Variants in DENND10 observed in about 807,000 individuals in gnomAD.
DENND10 encodes the protein DENN domain containing 10.
DENND10 carries 24 observed loss-of-function variants against 43.6 expected under a neutral mutation model. The ratio of observed to expected loss-of-function variants is 0.55; its 90% confidence interval spans 0.40 to 0.77. The LOEUF is 0.77. Ranked by LOEUF, DENND10 falls within the 30% of genes least tolerant of loss-of-function variation. DENND10 has a pLI of 0.00. For synonymous variants in DENND10, 125 were observed against 157.6 expected, an observed-to-expected ratio of 0.79 and a Z score of 1.55; for missense variants, 303 against 429.9, an observed-to-expected ratio of 0.70 and a Z score of 2.61.
At chr10:119,131,574 T>C (rs964192273) in intron 7 of DENND10, among the ~76,000 whole-genome samples, 1 of 152,246 alleles carries the variant, frequency 6.6e-6, no homozygotes, top group African/African-American at 2.4e-5. Flanking sequence ...GATTACTGAT[T>C]AACAGCTTTG....
chr10:119,123,605 CTTTTTTT>C (rs372448900), intron 6 of DENND10, 36 bp downstream of exon 6: 6 of 1,033,864 alleles, frequency 5.8e-6, no homozygotes, highest in Admixed American at 2.6e-5. Context: ...AACTGTTTCA[CTTTTTTT>C]TTTTTTTTTT....
At chr10:119,115,763 T>A (rs925166070) in intron 3 of DENND10, among the ~76,000 whole-genome samples, 1 of 148,542 alleles carries the variant, frequency 6.7e-6, no homozygotes, top group Non-Finnish European at 1.5e-5. Flanking sequence ...TTTCAAGTGA[T>A]CTTTTTTTTT....
At chr10:119,115,845 C>A (rs1259849965) in intron 3 of DENND10, among the ~76,000 whole-genome samples, 1 of 149,562 alleles carries the variant, frequency 6.7e-6, no homozygotes, top group African/African-American at 2.5e-5. Context: ...CTCACTGCAA[C>A]CTCCTCTTCC....
At chr10:119,109,056 A>G (rs949213875) in intron 2 of DENND10, among the ~76,000 whole-genome samples, 2 of 151,726 alleles carry the variant, frequency 1.3e-5, no homozygotes, top group East Asian at 3.9e-4. Flanking sequence ...CTCTACTAAA[A>G]ATACAAAAAA....
chr10:119,106,185 C>G (rs537284084), intron 1 of DENND10, among the ~76,000 whole-genome samples: 3 of 152,002 alleles, frequency 2.0e-5, no homozygotes, highest in African/African-American at 7.2e-5. Flanking sequence ...ATTGCGCCAC[C>G]GCACTGCAGC....
chr10:119,113,214 C>T (rs564626627), intron 3 of DENND10, among the ~76,000 whole-genome samples: 3 of 147,222 alleles, frequency 2.0e-5, no homozygotes, highest in Middle Eastern at 3.8e-3. Context: ...TTTAGCGACA[C>T]GGTCTTGCTC....
At chr10:119,136,332 A>T in intron 8 of DENND10, 139 bp from the exon 9 acceptor site, 1 of 961,884 alleles carries the variant, frequency 1.0e-6, no homozygotes. Flanking sequence ...AAGTGCTGGG[A>T]TTACAGGCAT....
chr10:119,136,896 T>A lies in DENND10; in HGVS notation c.*249T>A. ...AGTGCTATAACTACTTTATGTAACATTACAGAACAGCTAGAGGTCCTGGGG... is the reference window on the plus strand; with the variant it reads ...AGTGCTATAACTACTTTATGTAACAATACAGAACAGCTAGAGGTCCTGGGG... On this transcript the variant is annotated 3_prime_UTR_variant, in exon 9 of 9. Coordinates refer to ENST00000361432, the MANE Select transcript of DENND10 (RefSeq NM_207009.4). The A allele has an allele frequency of 2.7e-6, 1 of 376,134 alleles. No homozygotes were observed. The highest frequency in any genetic ancestry group is 5.0e-6 in the Non-Finnish European group (1 of 200,800). 23.3% of individuals were successfully genotyped at this position (376,134 alleles called of 1,614,324 possible).
Position 119,123,375 on chromosome 10 carries a change from T to TA in DENND10, c.594-94_594-93insA, listed in dbSNP as rs1845666715. Reference sequence around the variant, plus strand: ...CCCTGATTAGCTGTAGACTCTACCCTCTTCATTTCCTTCTCAGGAAGAGGA... The same window carrying TA: ...CCCTGATTAGCTGTAGACTCTACCCTACTTCATTTCCTTCTCAGGAAGAGGA... On this transcript the variant is annotated intron_variant, in intron 5 of 8. Coordinates refer to ENST00000361432, the MANE Select transcript of DENND10 (RefSeq NM_207009.4). 15 of 885,436 alleles carry TA rather than the reference T, an allele frequency of 1.7e-5. No homozygotes were observed. The Admixed American group carries it at 2.1e-4, about 12-fold the overall frequency. The allele number at this position is 885,436 out of a possible 1,614,324, so 54.8% of individuals were successfully genotyped here.
At chr10:119,129,649 C>G (rs1469885832) in intron 7 of DENND10, 27 bp downstream of exon 7, 1 of 1,498,830 alleles carries the variant, frequency 6.7e-7, no homozygotes. Context: ...GTTCTTGATA[C>G]AAGATATAAG....
chr10:119,110,758 A>G (rs1844936878), intron 2 of DENND10, among the ~76,000 whole-genome samples: 1 of 151,982 alleles, frequency 6.6e-6, no homozygotes, highest in Non-Finnish European at 1.5e-5. Context: ...CCCAGCCAAA[A>G]CTTCTTATAA....
intron 2 of DENND10, among the ~76,000 whole-genome samples, chr10:119,109,061 A>G (rs981985505): frequency 6.6e-6 from 1 of 151,776 alleles, no homozygotes; most frequent in African/African-American, 2.4e-5. Flanking sequence ...CTAAAAATAC[A>G]AAAAATTAGC....
intron 6 of DENND10, among the ~76,000 whole-genome samples, chr10:119,127,723 AGCAATCCACCCGCC>A: frequency 6.6e-6 from 1 of 152,030 alleles, no homozygotes; most frequent in Admixed American, 6.6e-5. Flanking sequence ...CCTGAGCTCA[AGCAATCCACCCGCC>A]TCAGCCTCCC....
chr10:119,130,357 C>T (rs1269736530), intron 7 of DENND10, among the ~76,000 whole-genome samples: 1 of 152,174 alleles, frequency 6.6e-6, no homozygotes, highest in African/African-American at 2.4e-5. Context: ...GATGGGGTTT[C>T]ACCATGTTGG....
At position 119,137,014 on chromosome 10, in the gene DENND10, A is replaced by C. The variant is rs563187337; in HGVS notation, c.*367A>C. ...CTGTGTAGGCATAAGCTAATGGTTT[A>C]TTTTCAGAAAGCTGCCTGAAACGTT... On this transcript the variant is annotated 3_prime_UTR_variant, in exon 9 of 9. Transcript: ENST00000361432. The C allele has an allele frequency of 6.2e-4, 113 of 182,784 alleles. No individual in the cohort carries two copies. Among genetic ancestry groups the C allele is most frequent in the African/African-American group, 2.5e-3 (106 of 42,022 alleles). The allele number at this position is 182,784 out of a possible 1,614,324, so 11.3% of individuals were successfully genotyped here. A position where few individuals can be genotyped will look rare whatever the true frequency, so the allele number is the denominator to read the frequency against.
At chr10:119,131,561 T>C (rs1221655518) in intron 7 of DENND10, among the ~76,000 whole-genome samples, 2 of 152,210 alleles carry the variant, frequency 1.3e-5, no homozygotes, top group Non-Finnish European at 2.9e-5. Context: ...TGGTTTTAGA[T>C]GGGATTACTG....
chr10:119,128,526 T>C (rs920355963), intron 6 of DENND10, among the ~76,000 whole-genome samples: 1 of 151,536 alleles, frequency 6.6e-6, no homozygotes, highest in Non-Finnish European at 1.5e-5. Flanking sequence ...GAGAATCTCT[T>C]GAACCTGGGA....
In DENND10 at chr10:119,104,205, CG is replaced by C; in HGVS notation, c.55+9del. 2 of 1,513,368 alleles carry C rather than the reference CG, an allele frequency of 1.3e-6. No individual in the cohort carries two copies. Among genetic ancestry groups the C allele is most frequent in the South Asian group, 2.5e-5 (2 of 80,054 alleles). 93.7% of individuals were successfully genotyped at this position (1,513,368 alleles called of 1,614,324 possible). A position where few individuals can be genotyped will look rare whatever the true frequency, so the allele number is the denominator to read the frequency against. On this transcript the variant is annotated intron_variant, in intron 1 of 8. Transcript: ENST00000361432. ...TTGGAGTCGGGCTGATCGGTGAGGACGTAGGCGCCCTGCCTGGAAGCCCGCA... is the reference window on the plus strand; with the variant it reads ...TTGGAGTCGGGCTGATCGGTGAGGACTAGGCGCCCTGCCTGGAAGCCCGCA...
At chr10:119,122,568 T>C (rs1364409174) in intron 5 of DENND10, among the ~76,000 whole-genome samples, 1 of 152,162 alleles carries the variant, frequency 6.6e-6, no homozygotes, top group African/African-American at 2.4e-5. Context: ...CCCATCACCT[T>C]TTCCCCCTCT....
Sources: gnomAD v4.1 joint callset for allele counts (sites outside exome capture counted in the v4.1 genomes callset) on GRCh38, gnomAD v4.1.1 for gene constraint, MANE v1.5 for transcripts, NCBI Gene and HGNC (gene_info 2026-07-23, HGNC 2026-07-21) for gene names.